Variants in PREX2 observed in about 807,000 individuals in gnomAD.
The protein encoded by PREX2 is phosphatidylinositol 3,4,5-trisphosphate-dependent Rac exchanger 2 protein.
In PREX2, 107 loss-of-function variants were observed where a neutral mutation model predicts 203.2. The observed-to-expected ratio is 0.53, with a 90% CI of 0.45 to 0.62. PREX2 has a LOEUF of 0.62. Among genes scored for constraint, PREX2 ranks in the 20% least tolerant of loss-of-function variants. The probability of loss-of-function intolerance (pLI) is 0.00; values close to 1 mark genes in which losing one functional copy is unlikely to be tolerated. For missense variants in PREX2, 1,777 were observed against 1,955.9 expected (o/e 0.91, Z 1.72); for synonymous variants, 672 against 663.6 (o/e 1.01, Z -0.19).
chr8:68,027,351 C>T (rs770210885), intron 5 of PREX2, 28 bp downstream of exon 5: 1 of 1,317,696 alleles, frequency 7.6e-7, no homozygotes, highest in Non-Finnish European at 1.1e-6. Flanking sequence ...TCATTGTAGC[C>T]ATTTTCTTGT....
At chr8:68,163,654 T>C (rs1005022718) in intron 35 of PREX2, among the ~76,000 whole-genome samples, 1 of 152,140 alleles carries the variant, frequency 6.6e-6, no homozygotes, top group African/African-American at 2.4e-5. Flanking sequence ...GCAGAGCAAT[T>C]AGATTTTTTT....
chr8:68,129,039 T>C (rs1810951432), intron 31 of PREX2, among the ~76,000 whole-genome samples: 1 of 152,318 alleles, frequency 6.6e-6, no homozygotes, highest in African/African-American at 2.4e-5. Context: ...CCTCATTTTC[T>C]TGGATTTCAC....
chr8:68,164,036 G>A (rs749301918), intron 35 of PREX2, among the ~76,000 whole-genome samples: 8 of 152,018 alleles, frequency 5.3e-5, no homozygotes, highest in Non-Finnish European at 7.4e-5. Flanking sequence ...GACCTCAGAC[G>A]AATCTGTCCA....
At chr8:68,210,806 T>C (rs1585867201) in intron 37 of PREX2, among the ~76,000 whole-genome samples, 1 of 152,210 alleles carries the variant, frequency 6.6e-6, no homozygotes, top group East Asian at 1.9e-4. Context: ...CCCGTAGTTT[T>C]CGGGAGACTC....
intron 1 of PREX2, among the ~76,000 whole-genome samples, chr8:67,999,084 G>A (rs1440004042): frequency 6.6e-6 from 1 of 152,066 alleles, no homozygotes; most frequent in Non-Finnish European, 1.5e-5. Context: ...TCTGGGTAAA[G>A]CTTTTAAAAA....
intron 1 of PREX2, among the ~76,000 whole-genome samples, chr8:68,011,146 C>A (rs1807246436): frequency 6.6e-6 from 1 of 152,058 alleles, no homozygotes; most frequent in Admixed American, 6.6e-5. Flanking sequence ...ATTTTAGATT[C>A]CTTGGGGAAC....
At chr8:68,196,133 G>A (rs896179579) in intron 37 of PREX2, among the ~76,000 whole-genome samples, 1 of 152,014 alleles carries the variant, frequency 6.6e-6, no homozygotes, top group East Asian at 1.9e-4. Flanking sequence ...TCTCCTGAGG[G>A]ACTTCCTTGT....
intron 1 of PREX2, among the ~76,000 whole-genome samples, chr8:67,958,830 TTGAC>T (rs1362399818): frequency 6.6e-6 from 1 of 152,102 alleles, no homozygotes; most frequent in African/African-American, 2.4e-5. Flanking sequence ...GGTAGTGTCA[TTGAC>T]TGAGAATTGG....
rs147881875 is a variant in PREX2, at chr8:68,026,154, T to C, written c.442-1068T>C. Reference sequence around the variant, plus strand: ...TAAGAGCATGCATTTGCTGCTATGCTTTCTGAGGTGTCTGGGTGAAGTTAC... The same window carrying C: ...TAAGAGCATGCATTTGCTGCTATGCCTTCTGAGGTGTCTGGGTGAAGTTAC... On this transcript the variant is annotated intron_variant, in intron 4 of 39. Transcript: ENST00000288368. 1.5e-3 allele frequency among the ~76,000 whole-genome samples: 226 copies of C among 152,234 alleles called. 2 individuals carry two copies. Among genetic ancestry groups the C allele is most frequent in the Middle Eastern group, 0.014 (4 of 294 alleles).
At chr8:68,115,501 A>C (rs1810636498) in intron 25 of PREX2, among the ~76,000 whole-genome samples, 1 of 152,242 alleles carries the variant, frequency 6.6e-6, no homozygotes, top group Non-Finnish European at 1.5e-5. Flanking sequence ...TGTTTTAGCT[A>C]TAGTCATACA....
intron 1 of PREX2, among the ~76,000 whole-genome samples, chr8:67,990,595 C>T (rs11785278): frequency 0.11 from 17,277 of 151,298 alleles, 1,124 homozygotes; most frequent in African/African-American, 0.19. Context: ...CTGCAACCTC[C>T]GCCTCCCGGG....
chr8:67,982,491 T>C (rs1806302284), intron 1 of PREX2, among the ~76,000 whole-genome samples: 1 of 151,990 alleles, frequency 6.6e-6, no homozygotes, highest in African/African-American at 2.4e-5. Context: ...ATACCTGGAT[T>C]CCCCCTCAGG....
Position 68,215,964 on chromosome 8 carries a change from T to C in PREX2, c.4605-1652T>C, listed in dbSNP as rs117870255. Among the ~76,000 whole-genome samples the C allele has an allele frequency of 4.3e-3, 661 of 152,324 alleles. 3 individuals are homozygous for C. Among genetic ancestry groups the C allele is most frequent in the Non-Finnish European group, 6.9e-3 (472 of 68,028 alleles). ...GTTATCGGACTCACACACTAAAAGT[T>C]TGTGAACATCATGTACAACTAGAAC... On this transcript the variant is annotated intron_variant, in intron 37 of 39. Coordinates refer to ENST00000288368, the MANE Select transcript of PREX2 (RefSeq NM_024870.4).
intron 9 of PREX2, among the ~76,000 whole-genome samples, chr8:68,054,090 CAT>C (rs1401853781): frequency 1.3e-5 from 2 of 152,188 alleles, no homozygotes; most frequent in East Asian, 3.8e-4. Context: ...CTCTTTCTTC[CAT>C]CTTCAGATGT....
intron 11 of PREX2, 34 bp from the exon 12 acceptor site, chr8:68,068,999 T>C: frequency 1.2e-6 from 1 of 846,878 alleles, no homozygotes; most frequent in Non-Finnish European, 1.8e-6. Flanking sequence ...TTTTAGAGTA[T>C]CGTTATTTTA....
chr8:68,069,876 A>G lies in PREX2; in HGVS notation c.1485A>G (p.Pro495=), dbSNP rs1230141209. ...GTCGTCTTCATAGCCTTTTTACTCC[A>G]GTGATAAGGTGAGTCTGGTTTTTAA... ...LYCRLHSLFT[P]VIRDKDYHLR... The change falls in exon 13 of 40, where the codon CCA becomes CCG. Residue 495 remains proline (P), a synonymous_variant. Transcript: ENST00000288368. 3 of 1,543,994 alleles carry G rather than the reference A, an allele frequency of 1.9e-6. No homozygotes were observed. Among genetic ancestry groups the G allele is most frequent in the East Asian group, 2.3e-5 (1 of 43,534 alleles).
chr8:67,999,332 T>A (rs1402574566), intron 1 of PREX2, among the ~76,000 whole-genome samples: 1 of 151,954 alleles, frequency 6.6e-6, no homozygotes, highest in African/African-American at 2.4e-5. Context: ...CAAAGACTAC[T>A]GTGAATGTGA....
chr8:68,207,184 A>G (rs531884905), intron 37 of PREX2, among the ~76,000 whole-genome samples: 3 of 152,346 alleles, frequency 2.0e-5, no homozygotes, highest in Admixed American at 2.0e-4. Flanking sequence ...CAGAGTTGTT[A>G]ACCAGCAGAT....
chr8:67,962,696 T>A (rs1311598137), intron 1 of PREX2, among the ~76,000 whole-genome samples: 1 of 151,900 alleles, frequency 6.6e-6, no homozygotes, highest in African/African-American at 2.4e-5. Context: ...AACCTCTGCC[T>A]CCTGGGTTCA....
Sources: allele counts gnomAD v4.1 joint callset (sites outside exome capture counted in the v4.1 genomes callset), GRCh38; gene constraint gnomAD v4.1.1; transcripts MANE v1.5; gene names NCBI Gene and HGNC (gene_info 2026-07-23, HGNC 2026-07-21).